Variants in GRIK2 observed in about 807,000 individuals in gnomAD.
The protein encoded by GRIK2 is glutamate receptor ionotropic, kainate 2.
In GRIK2, 32 loss-of-function variants were observed where a neutral mutation model predicts 100.3. That is an observed-to-expected ratio of 0.32 (90% CI 0.24 to 0.43). GRIK2 has a LOEUF of 0.43. GRIK2 is among the 20% of genes least tolerant of loss of function. The probability of loss-of-function intolerance (pLI) is 1.00; values close to 1 mark genes in which losing one functional copy is unlikely to be tolerated. For synonymous variants in GRIK2, 417 were observed against 389.4 expected (o/e 1.07, Z -0.83); for missense variants, 843 against 1,114.9 (o/e 0.76, Z 3.47).
intron 7 of GRIK2, among the ~76,000 whole-genome samples, chr6:101,770,457 A>G (rs1583113247): frequency 6.6e-6 from 1 of 152,076 alleles, no homozygotes; most frequent in African/African-American, 2.4e-5. Context: ...CCTAAATGGC[A>G]TACGATTCAG....
At chr6:101,738,104 A>G (rs1251073422) in intron 7 of GRIK2, among the ~76,000 whole-genome samples, 1 of 152,174 alleles carries the variant, frequency 6.6e-6, no homozygotes, top group Non-Finnish European at 1.5e-5. Flanking sequence ...TGTGAGGAAT[A>G]ATTAGGAAAT....
intron 9 of GRIK2, among the ~76,000 whole-genome samples, chr6:101,803,625 G>A (rs1192677886): frequency 6.6e-6 from 1 of 151,820 alleles, no homozygotes; most frequent in Non-Finnish European, 1.5e-5. Context: ...AGCTCGTGAG[G>A]AGTTTATCTT....
At chr6:101,540,851 CTG>C (rs1212894688) in intron 2 of GRIK2, among the ~76,000 whole-genome samples, 1 of 151,778 alleles carries the variant, frequency 6.6e-6, no homozygotes, top group Non-Finnish European at 1.5e-5. Context: ...CTCAGAACAT[CTG>C]TTTTTCTGGG....
chr6:101,711,565 C>T (rs1050380361), intron 7 of GRIK2, among the ~76,000 whole-genome samples: 1 of 151,820 alleles, frequency 6.6e-6, no homozygotes, highest in African/African-American at 2.4e-5. Flanking sequence ...CTTACTTATA[C>T]TTTACTTCCT....
intron 7 of GRIK2, among the ~76,000 whole-genome samples, chr6:101,774,015 CA>C (rs1344158340): frequency 1.3e-5 from 2 of 152,130 alleles, no homozygotes; most frequent in African/African-American, 2.4e-5. Flanking sequence ...TGTATTGTTT[CA>C]TTTTTTTCAG....
chr6:101,556,842 G>C (rs1211972206), intron 2 of GRIK2, among the ~76,000 whole-genome samples: 1 of 152,242 alleles, frequency 6.6e-6, no homozygotes, highest in Non-Finnish European at 1.5e-5. Context: ...CCATTCTGCT[G>C]TATTTCAGAG....
intron 15 of GRIK2, among the ~76,000 whole-genome samples, chr6:102,052,010 A>C (rs900432645): frequency 6.6e-6 from 1 of 152,130 alleles, no homozygotes; most frequent in African/African-American, 2.4e-5. Flanking sequence ...CTATCTACAT[A>C]ATTAATGAGT....
intron 4 of GRIK2, among the ~76,000 whole-genome samples, chr6:101,656,435 A>T (rs914115874): frequency 8.4e-5 from 8 of 94,870 alleles, no homozygotes; most frequent in Admixed American, 2.3e-4. Flanking sequence ...TTTAGAAATT[A>T]AAAAAAATGA....
At chr6:101,798,477 A>C (rs2128412755) in intron 7 of GRIK2, among the ~76,000 whole-genome samples, 1 of 152,196 alleles carries the variant, frequency 6.6e-6, no homozygotes, top group East Asian at 1.9e-4. Context: ...TTTATGAACT[A>C]TAAAATAATA....
chr6:101,774,711 T>C (rs934324164), intron 7 of GRIK2, among the ~76,000 whole-genome samples: 2 of 152,302 alleles, frequency 1.3e-5, no homozygotes, highest in Admixed American at 6.5e-5. Flanking sequence ...ATCATTTATA[T>C]TTAAAAAGTG....
intron 7 of GRIK2, among the ~76,000 whole-genome samples, chr6:101,708,911 A>G (rs1173838885): frequency 6.6e-6 from 1 of 151,898 alleles, no homozygotes; most frequent in East Asian, 1.9e-4. Context: ...TGAAGATGTA[A>G]TCATGTCAAG....
intron 2 of GRIK2, chr6:101,431,368 G>A (rs73761329): frequency 6.6e-6 from 1 of 152,318 alleles, no homozygotes; most frequent in Non-Finnish European, 1.5e-5. Flanking sequence ...ATGCTGTCCT[G>A]TGTGCTTACT....
chr6:102,041,124 C>A (rs368425930), intron 15 of GRIK2, among the ~76,000 whole-genome samples: 89 of 151,682 alleles, frequency 5.9e-4, no homozygotes, highest in African/African-American at 2.0e-3. Flanking sequence ...GCTCCACAGA[C>A]ATCATTAACA....
chr6:101,940,855 G>GA (rs1432631029), intron 14 of GRIK2, among the ~76,000 whole-genome samples: 1 of 152,130 alleles, frequency 6.6e-6, no homozygotes, highest in Non-Finnish European at 1.5e-5. Context: ...AGTAAAATAT[G>GA]AAATTTCAAT....
At chr6:101,650,510 C>G (rs904980848) in intron 4 of GRIK2, among the ~76,000 whole-genome samples, 2 of 152,132 alleles carry the variant, frequency 1.3e-5, no homozygotes, top group Non-Finnish European at 2.9e-5. Context: ...TGCCCAGAAA[C>G]AGCTGATGCA....
chr6:101,919,569 TGAG>T (rs1789360913), intron 12 of GRIK2, among the ~76,000 whole-genome samples: 1 of 151,740 alleles, frequency 6.6e-6, no homozygotes, highest in African/African-American at 2.4e-5. Flanking sequence ...GGAAATCCAT[TGAG>T]GGAGAATTTA....
chr6:101,760,394 T>A lies in GRIK2; in HGVS notation c.952-39254T>A, dbSNP rs1454784481. Among the ~76,000 whole-genome samples the A allele has an allele frequency of 1.4e-4, 11 of 77,168 alleles. 1 individual carries two copies. The highest frequency in any genetic ancestry group is 5.9e-4 in the African/African-American group (8 of 13,624). 50.6% of individuals were successfully genotyped at this position (77,168 alleles called of 152,430 possible). On this transcript the variant is annotated intron_variant, in intron 7 of 16. Transcript: ENST00000369134. ...TATTTATTATATATAATTAATTATA[T>A]TTAATTATATATTTATTATATATAA... is the stretch of plus-strand genomic sequence containing the variant.
intron 11 of GRIK2, among the ~76,000 whole-genome samples, chr6:101,879,350 C>T (rs1230444486): frequency 6.6e-6 from 1 of 152,026 alleles, no homozygotes; most frequent in Admixed American, 6.6e-5. Context: ...GCTCATTTCT[C>T]TGGATATACC....
intron 2 of GRIK2, among the ~76,000 whole-genome samples, chr6:101,428,015 T>C (rs1442184972): frequency 3.9e-5 from 6 of 152,220 alleles, no homozygotes; most frequent in Admixed American, 3.9e-4. Context: ...AGTCATCTTT[T>C]GCTTAACACA....
Sources: gnomAD v4.1 joint callset for allele counts (sites outside exome capture counted in the v4.1 genomes callset) on GRCh38, gnomAD v4.1.1 for gene constraint, MANE v1.5 for transcripts, NCBI Gene and HGNC (gene_info 2026-07-23, HGNC 2026-07-21) for gene names.